AKR1B15: variants seen among roughly 807,000 people sequenced by gnomAD.
AKR1B15 encodes the protein estradiol 17-beta-dehydrogenase AKR1B15.
AKR1B15 carries 49 observed loss-of-function variants against 38.5 expected under a neutral mutation model. That is an observed-to-expected ratio of 1.27 (90% CI 1.01 to 1.62). AKR1B15 has a LOEUF of 1.62. Ranked by LOEUF, AKR1B15 falls within the 40% of genes most tolerant of loss-of-function variation. The pLI is 0.00. For synonymous variants in AKR1B15, 137 were observed against 135.5 expected (o/e 1.01, Z -0.08); for missense variants, 411 against 381.6 (o/e 1.08, Z -0.64).
chr7:134,575,600 G>C, intron 7 of AKR1B15, 58 bp downstream of exon 7: 3 of 1,605,818 alleles, frequency 1.9e-6, no homozygotes, highest in Non-Finnish European at 1.7e-6. Flanking sequence ...TAAACATTGC[G>C]GGGGGAATGT....
intron 2 of AKR1B15, among the ~76,000 whole-genome samples, chr7:134,562,219 T>C (rs1194962301): frequency 6.6e-6 from 1 of 152,180 alleles, no homozygotes; most frequent in African/African-American, 2.4e-5. Flanking sequence ...ACAGTGAGTG[T>C]TACAGTTCTT....
chr7:134,578,963 A>G (rs558269031), intron 11 of AKR1B15, among the ~76,000 whole-genome samples: 2 of 152,344 alleles, frequency 1.3e-5, no homozygotes, highest in South Asian at 4.1e-4. Flanking sequence ...AAGTAAATCC[A>G]CCTGGCCTCA....
At chr7:134,575,345 C>A in intron 6 of AKR1B15, 75 bp from the exon 7 acceptor site, 1 of 1,554,424 alleles carries the variant, frequency 6.4e-7, no homozygotes, top group South Asian at 1.2e-5. Context: ...ATTTCTGCCC[C>A]AGGGAAGACT....
At chr7:134,575,384 C>G in intron 6 of AKR1B15, 36 bp from the exon 7 acceptor site, 2 of 1,611,480 alleles carry the variant, frequency 1.2e-6, no homozygotes, top group South Asian at 1.1e-5. Flanking sequence ...TGTAGTCCCT[C>G]TAGAGCTGCC....
chr7:134,563,411 G>T (rs1585799848), intron 2 of AKR1B15, among the ~76,000 whole-genome samples: 1 of 152,308 alleles, frequency 6.6e-6, no homozygotes, highest in Non-Finnish European at 1.5e-5. Flanking sequence ...AGATGGGAGT[G>T]ATGGTGGGTG....
chr7:134,579,052 T>C (rs963622423), intron 11 of AKR1B15, among the ~76,000 whole-genome samples: 1 of 152,248 alleles, frequency 6.6e-6, no homozygotes, highest in African/African-American at 2.4e-5. Context: ...TTTCTTTACC[T>C]ATAAAGTAGG....
At chr7:134,565,610 T>C in intron 3 of AKR1B15, 1 of 1,599,080 alleles carries the variant, frequency 6.3e-7, no homozygotes. Context: ...TTTCTCTTTC[T>C]ACATTCAGCC....
At chr7:134,579,409 A>T in intron 11 of AKR1B15, 98 bp from the exon 12 acceptor site, 1 of 1,082,078 alleles carries the variant, frequency 9.2e-7, no homozygotes, top group Non-Finnish European at 1.3e-6. Flanking sequence ...CTGAGAGACC[A>T]CAAATACCAC....
At chr7:134,576,807 G>T (rs2117672821) in intron 9 of AKR1B15, among the ~76,000 whole-genome samples, 156 bp from the exon 10 acceptor site, 1 of 151,838 alleles carries the variant, frequency 6.6e-6, no homozygotes, top group African/African-American at 2.4e-5. Context: ...AAAGAGGTGG[G>T]GGTCTGGCAC....
chr7:134,569,548 C>G lies in AKR1B15; in HGVS notation c.435+19C>G, dbSNP rs767096704. 5.0e-6 allele frequency: 8 copies of G among 1,613,260 alleles called. No individual in the cohort carries two copies. Among genetic ancestry groups the G allele is most frequent in the Non-Finnish European group, 6.8e-6 (8 of 1,179,408 alleles). ...ATTCAAGGTTTGAGTGACTCCCTTT[C>G]TCAGCCTCTAGTTTCTGAGCTGTTG... On this transcript the variant is annotated intron_variant, in intron 5 of 11. Transcript: ENST00000457545.
chr7:134,549,336 T>C (rs1282986864), intron 1 of AKR1B15, 87 bp downstream of exon 1: 1 of 152,332 alleles, frequency 6.6e-6, no homozygotes, highest in East Asian at 1.9e-4. Flanking sequence ...TCCAGGACAC[T>C]GGAGGACAGA....
chr7:134,579,408 C>G, intron 11 of AKR1B15, 99 bp from the exon 12 acceptor site: 1 of 1,065,124 alleles, frequency 9.4e-7, no homozygotes, highest in South Asian at 1.7e-5. Context: ...GCTGAGAGAC[C>G]ACAAATACCA....
intron 3 of AKR1B15, chr7:134,565,408 G>A: frequency 1.2e-6 from 2 of 1,608,704 alleles, no homozygotes; most frequent in East Asian, 2.2e-5. Flanking sequence ...GAACCCTCTG[G>A]AAGGAACCAA....
chr7:134,552,959 G>A (rs541931494), intron 1 of AKR1B15, among the ~76,000 whole-genome samples: 2 of 152,090 alleles, frequency 1.3e-5, no homozygotes, highest in African/African-American at 4.8e-5. Flanking sequence ...ACCTGTTATT[G>A]GCTACTGAAA....
intron 6 of AKR1B15, 112 bp from the exon 7 acceptor site, chr7:134,575,308 A>C: frequency 1.4e-6 from 2 of 1,473,990 alleles, no homozygotes; most frequent in Admixed American, 5.0e-5. Flanking sequence ...TGCTTCAGCT[A>C]ACTCTGTTGC....
At chr7:134,566,318 A>G (rs1425209224) in intron 3 of AKR1B15, among the ~76,000 whole-genome samples, 1 of 152,146 alleles carries the variant, frequency 6.6e-6, no homozygotes, top group Non-Finnish European at 1.5e-5. Context: ...AAGAGAAAAA[A>G]TGCAGAGTCT....
Position 134,576,952 on chromosome 7 carries a change from T to G in AKR1B15, c.826-11T>G, listed in dbSNP as rs754955730. ...AGCTGAGTGGAAACATGATGTCCCC[T>G]TTCTGCACAGGTTCTGATCCGTTTC... On this transcript the variant is annotated splice_polypyrimidine_tract_variant and intron_variant, in intron 9 of 11. Coordinates refer to ENST00000457545, the MANE Select transcript of AKR1B15 (RefSeq NM_001080538.3). The G allele has an allele frequency of 6.2e-7, 1 of 1,612,072 alleles. No homozygotes were observed. Among genetic ancestry groups the G allele is most frequent in the South Asian group, 1.1e-5 (1 of 91,002 alleles).
At chr7:134,579,478 T>TC in intron 11 of AKR1B15, 29 bp from the exon 12 acceptor site, 1 of 1,536,240 alleles carries the variant, frequency 6.5e-7, no homozygotes, top group Non-Finnish European at 8.7e-7. Flanking sequence ...TGGAACACAG[T>TC]TTCTTTTTTT....
At chr7:134,553,405 C>T (rs989473805) in intron 1 of AKR1B15, among the ~76,000 whole-genome samples, 5 of 152,178 alleles carry the variant, frequency 3.3e-5, no homozygotes, top group African/African-American at 1.2e-4. Context: ...CAAGGAGTCG[C>T]TAAAGGGGTA....
Sources: allele counts gnomAD v4.1 joint callset (sites outside exome capture counted in the v4.1 genomes callset), GRCh38; gene constraint gnomAD v4.1.1; transcripts MANE v1.5; gene names NCBI Gene and HGNC (gene_info 2026-07-23, HGNC 2026-07-21).